C2CD3: variants seen among roughly 807,000 people sequenced by gnomAD.
C2CD3 encodes C2 domain-containing protein 3.
C2CD3 carries 148 observed loss-of-function variants against 234.0 expected under a neutral mutation model. The ratio of observed to expected loss-of-function variants is 0.63; its 90% CI spans 0.55 to 0.72. The LOEUF is 0.72. Ranked by LOEUF, C2CD3 falls within the 30% of genes least tolerant of loss-of-function variation. The probability of loss-of-function intolerance (pLI) is 0.00; values close to 1 mark genes in which losing one functional copy is unlikely to be tolerated. For missense variants in C2CD3, 2,577 were observed against 2,811.5 expected (o/e 0.92, Z 1.89); for synonymous variants, 1,000 against 1,035.4 (o/e 0.97, Z 0.66).
In C2CD3 at chr11:74,054,312, T is replaced by C. The variant is rs11825061; in HGVS notation, c.5155+295A>G. 0.045 allele frequency among the ~76,000 whole-genome samples: 6,741 copies of C among 150,194 alleles called. 451 individuals carry two copies. The highest frequency in any genetic ancestry group is 0.15 in the African/African-American group (5,971 of 40,662). ...AAAAAATTAGCTAGGCATAGTGGTA[T>C]GTGCTTGCGGTCCCCGCTACTCAGG... On this transcript the variant is annotated intron_variant, in intron 26 of 32. Coordinates refer to ENST00000334126, the MANE Select transcript of C2CD3 (RefSeq NM_001286577.2).
At chr11:74,133,160 A>G (rs1418934124) in intron 6 of C2CD3, among the ~76,000 whole-genome samples, 188 bp from the exon 7 acceptor site, 2 of 152,216 alleles carry the variant, frequency 1.3e-5, no homozygotes, top group African/African-American at 4.8e-5. Flanking sequence ...CATTTCTGTG[A>G]GGTAGGGAGA....
intron 31 of C2CD3, among the ~76,000 whole-genome samples, chr11:74,032,343 C>T (rs1952554095): frequency 6.6e-6 from 1 of 152,160 alleles, no homozygotes; most frequent in Non-Finnish European, 1.5e-5. Flanking sequence ...GTACAATATT[C>T]CCTGCTTGTT....
intron 29 of C2CD3, among the ~76,000 whole-genome samples, chr11:74,038,746 A>T (rs1249253601): frequency 6.6e-6 from 1 of 152,174 alleles, no homozygotes; most frequent in Non-Finnish European, 1.5e-5. Flanking sequence ...TGTCCCTTAA[A>T]CACCTTCACA....
chr11:74,074,255 T>A lies in C2CD3; in HGVS notation c.4949A>T (p.Lys1650Ile). 6.2e-7 allele frequency: 1 copy of A among 1,610,400 alleles called. No individual in the cohort carries two copies. The highest frequency in any genetic ancestry group is 8.5e-7 in the Non-Finnish European group (1 of 1,177,236). The change falls in exon 24 of 33, where the codon AAA (lysine) becomes ATA (isoleucine). Residue 1650 changes from lysine to isoleucine, a missense_variant and splice_region_variant. Lys to Ile is a moderately radical substitution (Grantham distance 102, BLOSUM62 -3). Coordinates refer to ENST00000334126, the MANE Select transcript of C2CD3 (RefSeq NM_001286577.2). ...CTGGGTAGGTGAGGAGAGCATACCT[T>A]TCAAGCTCAAGTGCATTGCTCTTTC... Reference protein sequence around the residue: ...LVERAMHLSLKGSPLTERKVS... With the variant: ...LVERAMHLSLIGSPLTERKVS...
intron 2 of C2CD3, among the ~76,000 whole-genome samples, chr11:74,163,975 G>A (rs1046234409): frequency 2.6e-5 from 4 of 152,096 alleles, no homozygotes; most frequent in Non-Finnish European, 5.9e-5. Flanking sequence ...CTTCATTTGG[G>A]GATAAAAGAG....
In C2CD3 at chr11:74,013,362, T is replaced by TC. The variant is rs1951760067; in HGVS notation, c.*22dup. On this transcript the variant is annotated 3_prime_UTR_variant, in exon 33 of 33. Transcript: ENST00000334126. ...GACGGAGGGTGGGCAGGTGTCTCCT[T>TC]CCCCCCAGCCCCTCAGGCTGCGTCA... 6 of 798,208 alleles carry TC rather than the reference T, an allele frequency of 7.5e-6. No homozygotes were observed. Among genetic ancestry groups the TC allele is most frequent in the South Asian group, 5.0e-5 (2 of 39,660 alleles). 49.4% of individuals were successfully genotyped at this position (798,208 alleles called of 1,614,324 possible). A position where few individuals can be genotyped will look rare whatever the true frequency, so the allele number is the denominator to read the frequency against.
chr11:74,166,135 C>T (rs1356082203), intron 2 of C2CD3, among the ~76,000 whole-genome samples: 1 of 151,822 alleles, frequency 6.6e-6, no homozygotes, highest in Non-Finnish European at 1.5e-5. Flanking sequence ...ACGGTGAAAC[C>T]CCATCTCTAC....
chr11:74,160,250 T>C (rs1382011756), intron 3 of C2CD3, among the ~76,000 whole-genome samples: 1 of 152,078 alleles, frequency 6.6e-6, no homozygotes, highest in African/African-American at 2.4e-5. Flanking sequence ...GACTGTATAT[T>C]CAAAGGAAAT....
chr11:74,026,733 G>A (rs1411336866), intron 32 of C2CD3, among the ~76,000 whole-genome samples: 4 of 152,110 alleles, frequency 2.6e-5, no homozygotes, highest in Non-Finnish European at 5.9e-5. Flanking sequence ...ACTTTGGGAG[G>A]CTGAGGCAGG....
At position 74,033,541 on chromosome 11, in the gene C2CD3, CCT is replaced by C; in HGVS notation, c.6617_6618del (p.Glu2206GlyfsTer4). 6.5e-7 allele frequency: 1 copy of C among 1,536,186 alleles called. No homozygotes were observed. Among genetic ancestry groups the C allele is most frequent in the Non-Finnish European group, 8.7e-7 (1 of 1,146,918 alleles). On this transcript the variant is annotated frameshift_variant, in exon 31 of 33. Coordinates refer to ENST00000334126, the MANE Select transcript of C2CD3 (RefSeq NM_001286577.2). LOFTEE classifies it high-confidence loss of function. ...GTGGCAGCTTCATTCTCAGCTGGGGCCTCTGACTTGGGCTCCTTGTTCTGATC... is the reference window on the plus strand; with the variant it reads ...GTGGCAGCTTCATTCTCAGCTGGGGCCTGACTTGGGCTCCTTGTTCTGATC... The part of the protein sequence containing the change: ...QTDQNKEPKS[E>X]APAENEAATS...
At chr11:74,051,426 C>G (rs898045841) in intron 26 of C2CD3, among the ~76,000 whole-genome samples, 3 of 152,168 alleles carry the variant, frequency 2.0e-5, no homozygotes, top group African/African-American at 7.2e-5. Context: ...ATGGAGGTTT[C>G]TGCCTAAAAT....
In C2CD3 at chr11:74,100,639, C is replaced by CT. The variant is rs1262389170; in HGVS notation, c.2617dup (p.Arg873LysfsTer3). The CT allele has an allele frequency of 6.2e-7, 1 of 1,613,888 alleles. No homozygotes were observed. The highest frequency in any genetic ancestry group is 8.5e-7 in the Non-Finnish European group (1 of 1,179,952). On this transcript the variant is annotated frameshift_variant, in exon 15 of 33. Transcript: ENST00000334126. LOFTEE classifies it high-confidence loss of function. ...AATTACCATCACATTGTTCTTAAGCCTTTCCAGGTATTTGGAAGACAGAGA... is the reference window on the plus strand; with the variant it reads ...AATTACCATCACATTGTTCTTAAGCCTTTTCCAGGTATTTGGAAGACAGAGA...
chr11:74,015,230 G>A (rs1363249051), intron 32 of C2CD3, among the ~76,000 whole-genome samples: 1 of 152,238 alleles, frequency 6.6e-6, no homozygotes, highest in Non-Finnish European at 1.5e-5. Flanking sequence ...CCTGGGAGCT[G>A]CTAGACCAGT....
At chr11:74,163,881 G>A (rs1028285901) in intron 2 of C2CD3, among the ~76,000 whole-genome samples, 1 of 152,178 alleles carries the variant, frequency 6.6e-6, no homozygotes, top group Non-Finnish European at 1.5e-5. Context: ...GGACTAACAT[G>A]TATTCATTGG....
At chr11:74,041,454 A>AATTAGGCAT (rs1267671457) in intron 29 of C2CD3, among the ~76,000 whole-genome samples, 72 of 152,136 alleles carry the variant, frequency 4.7e-4, no homozygotes, top group African/African-American at 1.7e-3. Flanking sequence ...TCCCCTGTCT[A>AATTAGGCAT]CTCTTGGCCA....
intron 2 of C2CD3, among the ~76,000 whole-genome samples, chr11:74,162,395 G>C (rs114004991): frequency 0.012 from 1,824 of 152,100 alleles, 37 homozygotes; most frequent in African/African-American, 0.042. Context: ...CTTGTGTAAA[G>C]ATACACAAGA....
chr11:74,056,843 T>C (rs1451647817), intron 25 of C2CD3, among the ~76,000 whole-genome samples: 1 of 152,148 alleles, frequency 6.6e-6, no homozygotes, highest in African/African-American at 2.4e-5. Context: ...TAGGTTGTCC[T>C]AAATAATCTT....
intron 9 of C2CD3, among the ~76,000 whole-genome samples, chr11:74,115,592 C>G (rs1956900205): frequency 1.3e-5 from 2 of 152,010 alleles, no homozygotes; most frequent in East Asian, 3.8e-4. Context: ...TCAAAATACC[C>G]TCATCATTCT....
chr11:74,120,769 C>T (rs577032728), intron 8 of C2CD3, among the ~76,000 whole-genome samples: 2 of 152,288 alleles, frequency 1.3e-5, no homozygotes, highest in South Asian at 2.1e-4. Context: ...TCCTATTTCT[C>T]CACATCCTCT....
Sources: gnomAD v4.1 joint callset for allele counts (sites outside exome capture counted in the v4.1 genomes callset) on GRCh38, gnomAD v4.1.1 for gene constraint, MANE v1.5 for transcripts, NCBI Gene and HGNC (gene_info 2026-07-23, HGNC 2026-07-21) for gene names.